The following AKAP10 variants were observed in gnomAD, a reference collection of about 807,000 sequenced individuals.
The protein encoded by AKAP10 is A-kinase anchor protein 10, mitochondrial.
In AKAP10, 24 loss-of-function variants were observed where a neutral mutation model predicts 80.8. The ratio of observed to expected loss-of-function variants is 0.30; its 90% CI spans 0.22 to 0.42. AKAP10 has a LOEUF of 0.42. Ranked by LOEUF, AKAP10 falls within the 10% of genes least tolerant of loss-of-function variation. AKAP10 has a pLI of 1.00. For missense variants in AKAP10, 661 were observed against 794.9 expected, an observed-to-expected ratio of 0.83 and a Z score of 2.03; for synonymous variants, 291 against 277.7, an observed-to-expected ratio of 1.05 and a Z score of -0.48.
At chr17:19,952,267 G>A (rs957547198) in intron 4 of AKAP10, among the ~76,000 whole-genome samples, 4 of 151,728 alleles carry the variant, frequency 2.6e-5, no homozygotes, top group East Asian at 3.9e-4. Flanking sequence ...AGTTCAAGAC[G>A]AGCCTGGCTA....
intron 8 of AKAP10, among the ~76,000 whole-genome samples, chr17:19,936,651 T>C (rs1053216087): frequency 3.3e-5 from 5 of 152,220 alleles, no homozygotes; most frequent in African/African-American, 7.2e-5. Flanking sequence ...CTGCCAACCA[T>C]CCTTAGTTCT....
chr17:19,959,061 C>T (rs1597523567), intron 3 of AKAP10, among the ~76,000 whole-genome samples: 1 of 151,960 alleles, frequency 6.6e-6, no homozygotes. Context: ...CCATGTTGGT[C>T]AGGATGGTCT....
At chr17:19,924,311 A>C in intron 11 of AKAP10, 97 bp downstream of exon 11, 4 of 854,182 alleles carry the variant, frequency 4.7e-6, no homozygotes, top group Non-Finnish European at 6.9e-6. Flanking sequence ...TGGGCATATA[A>C]TAATAGATTA....
At chr17:19,954,922 A>T (rs569255904) in intron 4 of AKAP10, among the ~76,000 whole-genome samples, 19 of 140,996 alleles carry the variant, frequency 1.3e-4, no homozygotes, top group South Asian at 2.2e-4. Flanking sequence ...ATGTAAATTT[A>T]AAAAAAAAAA....
chr17:19,968,201 C>CAA (rs34802640), intron 2 of AKAP10, among the ~76,000 whole-genome samples: 114 of 68,790 alleles, frequency 1.7e-3, no homozygotes, highest in East Asian at 2.1e-3. Context: ...ACTCCGTCTC[C>CAA]AAAAAAAAAA....
intron 10 of AKAP10, among the ~76,000 whole-genome samples, chr17:19,924,718 A>G (rs1345040597): frequency 6.6e-6 from 1 of 152,168 alleles, no homozygotes; most frequent in Non-Finnish European, 1.5e-5. Flanking sequence ...ACAATATTAA[A>G]ATGTACATGC....
intron 12 of AKAP10, among the ~76,000 whole-genome samples, chr17:19,919,321 A>G (rs1025321622): frequency 2.0e-5 from 3 of 151,974 alleles, no homozygotes. Flanking sequence ...AATCCAGTCT[A>G]TTTTCCACAT....
chr17:19,967,419 C>T (rs1355736531), intron 2 of AKAP10, among the ~76,000 whole-genome samples: 2 of 152,210 alleles, frequency 1.3e-5, no homozygotes, highest in Non-Finnish European at 2.9e-5. Flanking sequence ...AGTGTCAGTG[C>T]TTTCCTACAG....
At chr17:19,962,086 A>C (rs1194729169) in intron 3 of AKAP10, among the ~76,000 whole-genome samples, 4 of 152,206 alleles carry the variant, frequency 2.6e-5, no homozygotes, top group Non-Finnish European at 5.9e-5. Context: ...ACTGCACTCC[A>C]GCCTGGGCAA....
At chr17:19,969,204 GGT>G (rs2043463446) in intron 1 of AKAP10, among the ~76,000 whole-genome samples, 1 of 152,144 alleles carries the variant, frequency 6.6e-6, no homozygotes, top group Non-Finnish European at 1.5e-5. Flanking sequence ...CAATGAGCTG[GGT>G]GTGGTGGCGG....
intron 6 of AKAP10, 35 bp from the exon 7 acceptor site, chr17:19,941,045 G>A (rs775071163): frequency 8.9e-6 from 14 of 1,579,988 alleles, no homozygotes; most frequent in Middle Eastern, 1.7e-4. Context: ...TTGAGGGAAC[G>A]ACCAAGGAAA....
At chr17:19,968,837 A>G (rs1356877271) in intron 1 of AKAP10, among the ~76,000 whole-genome samples, 1 of 152,054 alleles carries the variant, frequency 6.6e-6, no homozygotes, top group Non-Finnish European at 1.5e-5. Flanking sequence ...ATTATTGATG[A>G]AAAAAAATAT....
At chr17:19,925,047 A>G (rs1374557398) in intron 10 of AKAP10, among the ~76,000 whole-genome samples, 1 of 152,076 alleles carries the variant, frequency 6.6e-6, no homozygotes, top group Non-Finnish European at 1.5e-5. Context: ...GCCTGTAACC[A>G]TAGCTACTCT....
intron 1 of AKAP10, among the ~76,000 whole-genome samples, chr17:19,977,225 C>T (rs2043580435): frequency 6.6e-6 from 1 of 152,204 alleles, no homozygotes; most frequent in African/African-American, 2.4e-5. Context: ...CATTTGGAAA[C>T]TTCAGACTTC....
chr17:19,976,843 A>T (rs2043574746), intron 1 of AKAP10, among the ~76,000 whole-genome samples: 1 of 152,196 alleles, frequency 6.6e-6, no homozygotes. Context: ...TATCTGAAGC[A>T]ACAGGAATTG....
Position 19,970,804 on chromosome 17 carries a change from C to G in AKAP10, c.89-2343G>C, listed in dbSNP as rs111481304. On this transcript the variant is annotated intron_variant, in intron 1 of 14. Coordinates refer to ENST00000225737, the MANE Select transcript of AKAP10 (RefSeq NM_007202.4). ...CACCACTGTACCCCAGCCTGGGTGA[C>G]AGAGCAAGACTCTGTCTTAAAAAAA... Among the ~76,000 whole-genome samples, 516 of 151,328 alleles carry G rather than the reference C, an allele frequency of 3.4e-3. 3 individuals are homozygous for G. The highest frequency in any genetic ancestry group is 0.011 in the African/African-American group (464 of 41,244).
chr17:19,921,628 G>C (rs61612850), intron 11 of AKAP10, among the ~76,000 whole-genome samples: 1 of 151,678 alleles, frequency 6.6e-6, no homozygotes, highest in African/African-American at 2.4e-5. Flanking sequence ...TTGAGCCTAG[G>C]AGTTTGAGAC....
Position 19,977,681 on chromosome 17 carries a change from C to T in AKAP10, c.-2G>A, listed in dbSNP as rs1395816017. 1.1e-5 allele frequency: 14 copies of T among 1,235,184 alleles called. No individual in the cohort carries two copies. The highest frequency in any genetic ancestry group is 1.4e-5 in the Non-Finnish European group (14 of 987,432). The allele number at this position is 1,235,184 out of a possible 1,614,324, so 76.5% of individuals were successfully genotyped here. On this transcript the variant is annotated 5_prime_UTR_variant, in exon 1 of 15. Coordinates refer to ENST00000225737, the MANE Select transcript of AKAP10 (RefSeq NM_007202.4). ...CGGGGAGGGCCCGGCTCCCCTCATT[C>T]AGCAACCGGCCCGGACTTCCGGGTC...
chr17:19,970,155 T>A (rs62066339), intron 1 of AKAP10, among the ~76,000 whole-genome samples: 359 of 152,322 alleles, frequency 2.4e-3, no homozygotes, highest in Non-Finnish European at 4.0e-3. Context: ...ACATGTCATC[T>A]TCTCCCAAAC....
Sources: allele counts gnomAD v4.1 joint callset (sites outside exome capture counted in the v4.1 genomes callset), GRCh38; gene constraint gnomAD v4.1.1; transcripts MANE v1.5; gene names NCBI Gene and HGNC (gene_info 2026-07-23, HGNC 2026-07-21).